Variants in CADM2 observed in about 807,000 individuals in gnomAD.
CADM2 encodes the protein immunoglobulin superfamily member 4D.
A neutral mutation model predicts 49.8 loss-of-function variants in CADM2; 12 were observed. That is an observed-to-expected ratio of 0.24 (90% CI 0.15 to 0.39). CADM2 has a LOEUF of 0.39. Ranked by LOEUF, CADM2 falls within the 10% of genes least tolerant of loss-of-function variation. CADM2 has a pLI of 1.00. For missense variants in CADM2, 378 were observed against 492.3 expected, an observed-to-expected ratio of 0.77 and a Z score of 2.20; for synonymous variants, 214 against 175.4, an observed-to-expected ratio of 1.22 and a Z score of -1.74.
intron 2 of CADM2, among the ~76,000 whole-genome samples, chr3:85,744,554 T>A (rs565059498): frequency 6.6e-6 from 1 of 151,762 alleles, no homozygotes; most frequent in Non-Finnish European, 1.5e-5. Flanking sequence ...AATAAATAAG[T>A]AAATGAAATA....
In CADM2 at chr3:85,803,036, A is replaced by G. The variant is rs551168495; in HGVS notation, c.238+840A>G. On this transcript the variant is annotated intron_variant, in intron 3 of 9. Coordinates refer to ENST00000383699, the MANE Select transcript of CADM2 (RefSeq NM_001167675.2). ...ATGAATCTGTATAGGTAATTGTAAG[A>G]TAACTTCAAATCAGCTCCATTTAAA... Among the ~76,000 whole-genome samples, 11 of 152,230 alleles carry G rather than the reference A, an allele frequency of 7.2e-5. No homozygotes were observed. The South Asian group carries it at 2.3e-3, about 32-fold the overall frequency.
At position 86,020,394 on chromosome 3, in the gene CADM2, A is replaced by T. The variant is rs1301930585; in HGVS notation, c.971-45211A>T. Among the ~76,000 whole-genome samples, 3 of 152,162 alleles carry T rather than the reference A, an allele frequency of 2.0e-5. No individual in the cohort carries two copies. The East Asian group carries it at 5.8e-4, about 29-fold the overall frequency. ...CAGGACCAGAAGGATTCACAGCCGA[A>T]TTCTACCAGAGGTACAAGGAGGAAC... On this transcript the variant is annotated intron_variant, in intron 8 of 9. Transcript: ENST00000383699.
At chr3:85,403,793 AT>A (rs1463839535) in intron 1 of CADM2, among the ~76,000 whole-genome samples, 1 of 152,162 alleles carries the variant, frequency 6.6e-6, no homozygotes, top group African/African-American at 2.4e-5. Context: ...ATCCAGCACA[AT>A]ATTCAAAGCT....
intron 1 of CADM2, among the ~76,000 whole-genome samples, chr3:85,525,801 A>G (rs1428218777): frequency 6.6e-6 from 1 of 151,460 alleles, no homozygotes; most frequent in Non-Finnish European, 1.5e-5. Context: ...TATCAGTGAA[A>G]CTCTTTTAAA....
chr3:85,968,218 G>A (rs1000835067), intron 8 of CADM2, among the ~76,000 whole-genome samples: 3 of 151,590 alleles, frequency 2.0e-5, no homozygotes, highest in Non-Finnish European at 4.4e-5. Flanking sequence ...ACATGAATAA[G>A]CAGGGAGAGC....
intron 1 of CADM2, among the ~76,000 whole-genome samples, chr3:84,969,569 A>G (rs2031266932): frequency 1.3e-5 from 2 of 151,708 alleles, no homozygotes; most frequent in African/African-American, 2.4e-5. Context: ...TTTAATCTTG[A>G]CACAACTCTT....
intron 1 of CADM2, among the ~76,000 whole-genome samples, chr3:85,452,209 C>A (rs1305850286): frequency 6.6e-6 from 1 of 152,068 alleles, no homozygotes; most frequent in African/African-American, 2.4e-5. Context: ...TTATGGATTA[C>A]AAATCCCAAC....
At chr3:85,369,529 G>A (rs2033042815) in intron 1 of CADM2, among the ~76,000 whole-genome samples, 1 of 152,164 alleles carries the variant, frequency 6.6e-6, no homozygotes, top group Non-Finnish European at 1.5e-5. Context: ...AGCACTTTGG[G>A]AGGCTGAGGC....
At chr3:85,297,930 A>G (rs1001768031) in intron 1 of CADM2, among the ~76,000 whole-genome samples, 2 of 152,082 alleles carry the variant, frequency 1.3e-5, no homozygotes, top group Non-Finnish European at 2.9e-5. Context: ...AATATTTGTT[A>G]GATGCCTTGA....
chr3:85,380,594 T>C (rs1258607488), intron 1 of CADM2, among the ~76,000 whole-genome samples: 1 of 151,964 alleles, frequency 6.6e-6, no homozygotes, highest in Non-Finnish European at 1.5e-5. Context: ...TTTTCAAGTG[T>C]ACTTTTTCTT....
At chr3:84,968,899 A>G (rs1174898395) in intron 1 of CADM2, among the ~76,000 whole-genome samples, 2 of 152,056 alleles carry the variant, frequency 1.3e-5, no homozygotes, top group Non-Finnish European at 2.9e-5. Flanking sequence ...ATATCAGTGC[A>G]TTGCCAAATT....
At chr3:86,021,003 T>A (rs1343108213) in intron 8 of CADM2, among the ~76,000 whole-genome samples, 1 of 152,096 alleles carries the variant, frequency 6.6e-6, no homozygotes, top group African/African-American at 2.4e-5. Flanking sequence ...AAACTTTTTT[T>A]CTTTTGAGAC....
chr3:85,092,884 C>T (rs1261030552), intron 1 of CADM2, among the ~76,000 whole-genome samples: 1 of 152,144 alleles, frequency 6.6e-6, no homozygotes, highest in East Asian at 1.9e-4. Context: ...TCTGATGTTT[C>T]CTTACAGCTT....
chr3:85,552,877 C>T (rs9833391), intron 1 of CADM2, among the ~76,000 whole-genome samples: 103,158 of 151,504 alleles, frequency 0.68, 40,506 homozygotes, highest in East Asian at 0.86. Context: ...AAGGATTTCA[C>T]CGTGTTAGTC....
chr3:85,410,626 C>T (rs368744255), intron 1 of CADM2, among the ~76,000 whole-genome samples: 27 of 151,880 alleles, frequency 1.8e-4, no homozygotes, highest in East Asian at 3.9e-4. Flanking sequence ...TGAGTTTTGC[C>T]GAAACAGTTA....
chr3:85,395,206 G>T (rs1235618743), intron 1 of CADM2, among the ~76,000 whole-genome samples: 2 of 150,588 alleles, frequency 1.3e-5, no homozygotes, highest in Admixed American at 1.3e-4. Flanking sequence ...GCTGAGGCTG[G>T]AGGATCACAT....
rs116154223 is a variant in CADM2, at chr3:85,973,730, G to A, written c.970+12083G>A. On this transcript the variant is annotated intron_variant, in intron 8 of 9. Coordinates refer to ENST00000383699, the MANE Select transcript of CADM2 (RefSeq NM_001167675.2). Reference sequence around the variant, plus strand: ...AATTTGTGTTTTCTACTGAGGGACAGAAATGGATATAGAGCTAGTGGGACA... The same window carrying A: ...AATTTGTGTTTTCTACTGAGGGACAAAAATGGATATAGAGCTAGTGGGACA... 8.9e-3 allele frequency among the ~76,000 whole-genome samples: 1,344 copies of A among 151,858 alleles called. 25 individuals are homozygous for A. The highest frequency in any genetic ancestry group is 0.031 in the African/African-American group (1,271 of 41,490).
At chr3:85,646,259 AT>A (rs2064880931) in intron 1 of CADM2, among the ~76,000 whole-genome samples, 1 of 152,006 alleles carries the variant, frequency 6.6e-6, no homozygotes, top group Non-Finnish European at 1.5e-5. Context: ...GTTTATAGAC[AT>A]GTCAATCTAG....
In CADM2 at chr3:84,959,170, T is replaced by C; in HGVS notation, c.-438T>C. On this transcript the variant is annotated 5_prime_UTR_variant, in exon 1 of 10. Coordinates refer to ENST00000383699, the MANE Select transcript of CADM2 (RefSeq NM_001167675.2). ...GGGCGCGAGCGGCAGTGCTGCTTGC[T>C]TGCTCCTCCTCTCCCCCAGCCCTTC... 4.9e-6 allele frequency: 1 copy of C among 206,040 alleles called. No individual in the cohort carries two copies. Among genetic ancestry groups the C allele is most frequent in the South Asian group, 6.9e-5 (1 of 14,468 alleles). The allele number at this position is 206,040 out of a possible 1,614,324, so 12.8% of individuals were successfully genotyped here.
Sources: allele counts gnomAD v4.1 joint callset (sites outside exome capture counted in the v4.1 genomes callset), GRCh38; gene constraint gnomAD v4.1.1; transcripts MANE v1.5; gene names NCBI Gene and HGNC (gene_info 2026-07-23, HGNC 2026-07-21).